FRK: variants seen among roughly 807,000 people sequenced by gnomAD.
FRK encodes tyrosine-protein kinase FRK.
A neutral mutation model predicts 56.4 loss-of-function variants in FRK; 51 were observed. The ratio of observed to expected loss-of-function variants is 0.90; its 90% CI spans 0.72 to 1.14. The LOEUF (loss-of-function observed/expected upper bound fraction) is 1.14, where lower values mean the gene tolerates loss of function less well. FRK is among the 50% of genes most tolerant of loss of function. The pLI is 0.00. For missense variants in FRK, 570 were observed against 601.4 expected, an observed-to-expected ratio of 0.95 and a Z score of 0.55; for synonymous variants, 245 against 217.9, an observed-to-expected ratio of 1.12 and a Z score of -1.10.
the FRK span, among the ~76,000 whole-genome samples, chr6:116,088,854 G>T: frequency 2.0e-5 from 3 of 152,156 alleles, no homozygotes; most frequent in African/African-American, 7.2e-5. Context: ...TGACTGAAAG[G>T]TGCCCAAGAG....
At chr6:116,082,214 T>C in the FRK span, among the ~76,000 whole-genome samples, 1 of 152,078 alleles carries the variant, frequency 6.6e-6, no homozygotes, top group Non-Finnish European at 1.5e-5. Context: ...AAAGATATAG[T>C]AAGAGATAAG....
intron 1 of FRK, among the ~76,000 whole-genome samples, chr6:116,040,856 A>G (rs1015553815): frequency 4.6e-5 from 7 of 152,048 alleles, no homozygotes; most frequent in African/African-American, 7.2e-5. Context: ...TGAAAGTTAC[A>G]TATATTATTT....
intron 1 of FRK, among the ~76,000 whole-genome samples, chr6:116,018,673 G>A (rs954800321): frequency 6.6e-6 from 1 of 152,110 alleles, no homozygotes; most frequent in Non-Finnish European, 1.5e-5. Flanking sequence ...TTGAGAAACT[G>A]AAATATTCCC....
chr6:116,059,477 C>A (rs1323166675), intron 1 of FRK, among the ~76,000 whole-genome samples: 1 of 152,046 alleles, frequency 6.6e-6, no homozygotes, highest in Admixed American at 6.5e-5. Context: ...TACATTAGCC[C>A]TGTATATTCC....
chr6:115,996,282 G>A (rs1360205765), intron 2 of FRK, among the ~76,000 whole-genome samples: 1 of 152,106 alleles, frequency 6.6e-6, no homozygotes, highest in Non-Finnish European at 1.5e-5. Flanking sequence ...AATGAAGAAT[G>A]AATGAATGGC....
intron 1 of FRK, among the ~76,000 whole-genome samples, chr6:116,046,035 T>C (rs1012924522): frequency 2.6e-5 from 4 of 152,008 alleles, no homozygotes; most frequent in Non-Finnish European, 5.9e-5. Context: ...AACAAACATA[T>C]GAAAAAAAGC....
intron 1 of FRK, among the ~76,000 whole-genome samples, chr6:116,047,283 A>G (rs527561834): frequency 1.3e-4 from 20 of 152,090 alleles, no homozygotes; most frequent in African/African-American, 4.8e-4. Flanking sequence ...TACTTACCAA[A>G]TCTGATGCCG....
intron 4 of FRK, among the ~76,000 whole-genome samples, chr6:115,962,115 G>A (rs1167260632): frequency 3.5e-5 from 5 of 143,600 alleles, no homozygotes; most frequent in African/African-American, 1.1e-4. Context: ...TGGATAAAAA[G>A]TCAAGACCCA....
the FRK span, among the ~76,000 whole-genome samples, chr6:116,085,263 C>T: frequency 6.6e-6 from 1 of 152,042 alleles, no homozygotes; most frequent in African/African-American, 2.4e-5. Context: ...TTGGTACATA[C>T]CGCATACATA....
chr6:116,079,108 A>G, the FRK span, among the ~76,000 whole-genome samples: 1 of 152,202 alleles, frequency 6.6e-6, no homozygotes, highest in South Asian at 2.1e-4. Flanking sequence ...CTGGAGCGCA[A>G]TGTGCACATT....
At chr6:115,985,394 G>A (rs1298494522) in intron 2 of FRK, among the ~76,000 whole-genome samples, 1 of 152,106 alleles carries the variant, frequency 6.6e-6, no homozygotes, top group African/African-American at 2.4e-5. Context: ...TTAGTAATGT[G>A]TTTAAATATT....
At chr6:116,042,013 G>A (rs550014920) in intron 1 of FRK, among the ~76,000 whole-genome samples, 6 of 152,336 alleles carry the variant, frequency 3.9e-5, no homozygotes, top group Admixed American at 1.3e-4. Context: ...AATTCTTACT[G>A]CCAGCACAGC....
intron 1 of FRK, among the ~76,000 whole-genome samples, chr6:116,008,356 C>A (rs1479110683): frequency 1.3e-5 from 2 of 152,070 alleles, no homozygotes; most frequent in African/African-American, 2.4e-5. Flanking sequence ...AGAATTGAAT[C>A]CATAGTAACA....
intron 1 of FRK, among the ~76,000 whole-genome samples, chr6:116,017,505 G>A (rs1380677791): frequency 6.6e-6 from 1 of 152,154 alleles, no homozygotes; most frequent in African/African-American, 2.4e-5. Flanking sequence ...CTCTGGCTCA[G>A]GAGACTGCCT....
intron 1 of FRK, among the ~76,000 whole-genome samples, chr6:116,048,671 C>T (rs1324558336): frequency 6.6e-6 from 1 of 152,186 alleles, no homozygotes; most frequent in Non-Finnish European, 1.5e-5. Flanking sequence ...CAGGCATGAG[C>T]CACCATGCTG....
At chr6:116,011,160 AAT>A (rs1775455596) in intron 1 of FRK, among the ~76,000 whole-genome samples, 1 of 152,212 alleles carries the variant, frequency 6.6e-6, no homozygotes, top group Non-Finnish European at 1.5e-5. Flanking sequence ...TATTAATCAA[AAT>A]TTAGGGAAAT....
chr6:116,003,975 C>A lies in FRK; in HGVS notation c.368G>T (p.Arg123Ile). The change falls in exon 2 of 8, where the codon AGA becomes ATA. Residue 123 changes from arginine to isoleucine, a missense_variant. Physicochemically the swap from Arg to Ile is moderately conservative, Grantham distance 97. Coordinates refer to ENST00000606080, the MANE Select transcript of FRK (RefSeq NM_002031.3). ...TAATAGTTGTTTCTCTGCATCTGAT[C>A]TTCCGATTGCTCCAAAGAACCACCT... ...AEPWFFGAIG[R>I]SDAEKQLLYS... The A allele has an allele frequency of 1.2e-6, 2 of 1,612,618 alleles. No individual in the cohort carries two copies. The highest frequency in any genetic ancestry group is 1.7e-6 in the Non-Finnish European group (2 of 1,178,986).
chr6:116,063,497 A>G (rs1227112586), upstream of FRK, among the ~76,000 whole-genome samples: 1 of 143,604 alleles, frequency 7.0e-6, no homozygotes, highest in Non-Finnish European at 1.5e-5. Flanking sequence ...TGTGGAAGCT[A>G]AAAAAAAAAA....
At chr6:116,010,660 A>G (rs1775429612) in intron 1 of FRK, among the ~76,000 whole-genome samples, 1 of 152,190 alleles carries the variant, frequency 6.6e-6, no homozygotes, top group Admixed American at 6.5e-5. Flanking sequence ...TCTCATTAGG[A>G]AGTTATTTAA....
Sources: allele counts gnomAD v4.1 joint callset (sites outside exome capture counted in the v4.1 genomes callset), GRCh38; gene constraint gnomAD v4.1.1; transcripts MANE v1.5; gene names NCBI Gene and HGNC (gene_info 2026-07-23, HGNC 2026-07-21).